ESCO2: variants seen among roughly 807,000 people sequenced by gnomAD.
ESCO2 encodes N-acetyltransferase ESCO2.
ESCO2 carries 51 observed loss-of-function variants against 61.7 expected under a neutral mutation model. That is an observed-to-expected ratio of 0.83 (90% confidence interval 0.66 to 1.04). The LOEUF (loss-of-function observed/expected upper bound fraction) is 1.04. Ranked by LOEUF, ESCO2 falls within the 50% of genes least tolerant of loss-of-function variation. The pLI is 0.00. For missense variants in ESCO2, 692 were observed against 686.2 expected (o/e 1.01, Z -0.09); for synonymous variants, 230 against 238.2 (o/e 0.97, Z 0.32).
chr8:27,810,931 G>A (rs759854983), downstream of ESCO2: 15 of 1,343,780 alleles, frequency 1.1e-5, no homozygotes, highest in East Asian at 2.7e-4. Flanking sequence ...AAGAGATTGG[G>A]ATTTATGTTA....
At chr8:27,811,006 T>A, downstream of ESCO2, 1 of 1,612,776 alleles carries the variant, frequency 6.2e-7, no homozygotes, top group Non-Finnish European at 8.5e-7. Context: ...ATCGATAAAG[T>A]CATCATTTCC....
chr8:27,777,961 C>T (rs943430716), intron 3 of ESCO2: 11 of 151,306 alleles, frequency 7.3e-5, no homozygotes, highest in Middle Eastern at 3.4e-3. Context: ...CCATATCTCT[C>T]GTAATCACCT....
intron 9 of ESCO2, among the ~76,000 whole-genome samples, chr8:27,793,479 G>GTTTTTTTTTTTTTTTTTTTTTTT (rs67670087): frequency 1.6e-5 from 2 of 125,508 alleles, no homozygotes; most frequent in African/African-American, 3.0e-5. Flanking sequence ...CTTTTTCTTT[G>GTTTTTTTTTTTTTTTTTTTTTTT]TTTTTTTTTT....
Position 27,804,655 on chromosome 8 carries a change from T to C in ESCO2, c.*1217T>C. 1.0e-6 allele frequency: 1 copy of C among 985,426 alleles called. No homozygotes were observed. The highest frequency in any genetic ancestry group is 1.2e-6 in the Non-Finnish European group (1 of 829,924). The allele number at this position is 985,426 out of a possible 1,614,324, so 61.0% of individuals were successfully genotyped here. ...ACTCTAGGCAAGTCGTTTTCCAGAT[T>C]GTAATTATATGTAGAAACTATTCAT... On this transcript the variant is annotated 3_prime_UTR_variant, in exon 11 of 11. Transcript: ENST00000305188.
At chr8:27,810,213 A>G (rs978619809), downstream of ESCO2, 6 of 854,776 alleles carry the variant, frequency 7.0e-6, no homozygotes, top group Middle Eastern at 2.2e-4. Flanking sequence ...AAATATGCCA[A>G]TTTTAGAGTC....
chr8:27,792,846 T>A, intron 9 of ESCO2, 35 bp downstream of exon 9: 3 of 1,545,682 alleles, frequency 1.9e-6, no homozygotes, highest in Non-Finnish European at 1.7e-6. Flanking sequence ...TTGGCATAAT[T>A]TGCAGGCAAA....
downstream of ESCO2, chr8:27,808,185 A>G (rs748075006): frequency 1.2e-5 from 14 of 1,181,404 alleles, no homozygotes; most frequent in African/African-American, 2.3e-4. Context: ...TTTTTATTCT[A>G]ATCAACAGAT....
chr8:27,788,139 G>C lies in ESCO2; in HGVS notation c.1131+137G>C, dbSNP rs975775378. 202 of 669,018 alleles carry C rather than the reference G, an allele frequency of 3.0e-4. 2 individuals are homozygous for C. The East Asian group carries it at 5.4e-3, about 18-fold the overall frequency. 41.4% of individuals were successfully genotyped at this position (669,018 alleles called of 1,614,324 possible). A position where few individuals can be genotyped will look rare whatever the true frequency, so the allele number is the denominator to read the frequency against. The stretch of plus-strand genomic sequence containing the variant: ...TTTATGTGACAGAATGGGAGTTGTA[G>C]GTGGTGACATTGAATATTCTTGAAT... On this transcript the variant is annotated intron_variant, in intron 6 of 10. Coordinates refer to ENST00000305188, the MANE Select transcript of ESCO2 (RefSeq NM_001017420.3).
downstream of ESCO2, among the ~76,000 whole-genome samples, chr8:27,814,424 G>A (rs1233540311): frequency 6.6e-6 from 1 of 151,714 alleles, no homozygotes; most frequent in Admixed American, 6.6e-5. Context: ...CTTTTTTCTT[G>A]ATCAGTCTAG....
downstream of ESCO2, chr8:27,809,784 G>C (rs1361230247): frequency 6.6e-6 from 1 of 152,222 alleles, no homozygotes; most frequent in African/African-American, 2.4e-5. Context: ...GGAGATCCAA[G>C]AGATCAAGAC....
intron 4 of ESCO2, among the ~76,000 whole-genome samples, chr8:27,781,857 C>T (rs1290896276): frequency 6.6e-6 from 1 of 152,072 alleles, no homozygotes; most frequent in African/African-American, 2.4e-5. Context: ...TGGCCCTAAG[C>T]ACTAGACTTT....
downstream of ESCO2, chr8:27,810,593 A>G (rs1805658398): frequency 2.9e-6 from 2 of 680,882 alleles, no homozygotes; most frequent in South Asian, 3.7e-5. Context: ...ACAAGAATTT[A>G]TGGTCCAGTA....
upstream of ESCO2, chr8:27,772,071 A>C: frequency 5.3e-6 from 1 of 187,738 alleles, no homozygotes; most frequent in Non-Finnish European, 1.1e-5. Flanking sequence ...CTGAAAGGGT[A>C]AGTCGCGCTT....
chr8:27,799,911 T>G (rs767954551), intron 10 of ESCO2, among the ~76,000 whole-genome samples, 195 bp downstream of exon 10: 6 of 149,342 alleles, frequency 4.0e-5, no homozygotes, highest in Non-Finnish European at 8.9e-5. Flanking sequence ...ATTCCAGGTC[T>G]GAAACATACT....
chr8:27,813,220 A>C (rs1805731529), downstream of ESCO2, among the ~76,000 whole-genome samples: 2 of 152,244 alleles, frequency 1.3e-5, no homozygotes, highest in African/African-American at 2.4e-5. Context: ...TCACAAGGAC[A>C]GAAAACCAAA....
intron 7 of ESCO2, among the ~76,000 whole-genome samples, chr8:27,790,663 A>G (rs929568077): frequency 6.6e-6 from 1 of 152,212 alleles, no homozygotes; most frequent in Non-Finnish European, 1.5e-5. Context: ...AAAAAAATTT[A>G]TAGCTATAAA....
At chr8:27,813,307 G>C (rs1272634056), downstream of ESCO2, among the ~76,000 whole-genome samples, 1 of 152,104 alleles carries the variant, frequency 6.6e-6, no homozygotes, top group Non-Finnish European at 1.5e-5. Flanking sequence ...ATCACACCCT[G>C]GGGCCTGTCA....
chr8:27,795,731 G>A (rs1204966673), intron 9 of ESCO2, among the ~76,000 whole-genome samples: 1 of 152,032 alleles, frequency 6.6e-6, no homozygotes, highest in Non-Finnish European at 1.5e-5. Flanking sequence ...GATGTTGGAT[G>A]CCTTTTCTGT....
At chr8:27,793,521 CTT>C (rs1323606875) in intron 9 of ESCO2, among the ~76,000 whole-genome samples, 11 of 138,968 alleles carry the variant, frequency 7.9e-5, no homozygotes, top group African/African-American at 2.9e-4. Flanking sequence ...AAGTCTCACT[CTT>C]TTGCCCAGGC....
Sources: gnomAD v4.1 joint callset for allele counts (sites outside exome capture counted in the v4.1 genomes callset) on GRCh38, gnomAD v4.1.1 for gene constraint, MANE v1.5 for transcripts, NCBI Gene and HGNC (gene_info 2026-07-23, HGNC 2026-07-21) for gene names.